Variants in DTHD1 observed in about 807,000 individuals in gnomAD.
The protein encoded by DTHD1 is death domain containing 1.
In DTHD1, 59 loss-of-function variants were observed where a neutral mutation model predicts 74.8. The observed-to-expected ratio is 0.79, with a 90% CI of 0.64 to 0.98. The LOEUF is 0.98. Ranked by LOEUF, DTHD1 falls within the 50% of genes least tolerant of loss-of-function variation. DTHD1 has a pLI of 0.00. For missense variants in DTHD1, 1,051 were observed against 1,065.4 expected (o/e 0.99, Z 0.19); for synonymous variants, 365 against 371.1 (o/e 0.98, Z 0.19).
At chr4:36,287,728 A>G (rs1020101084) in intron 2 of DTHD1, among the ~76,000 whole-genome samples, 2 of 152,308 alleles carry the variant, frequency 1.3e-5, no homozygotes, top group South Asian at 4.1e-4. Context: ...CATTTCCCTG[A>G]TCATTAGTGA....
At chr4:36,328,724 T>TA (rs371743029) in intron 8 of DTHD1, among the ~76,000 whole-genome samples, 10 of 152,284 alleles carry the variant, frequency 6.6e-5, no homozygotes, top group African/African-American at 2.4e-4. Context: ...GTAAAAACTT[T>TA]AAAAAAAGAC....
At chr4:36,335,644 G>A (rs7664826) in intron 8 of DTHD1, among the ~76,000 whole-genome samples, 16,439 of 152,168 alleles carry the variant, frequency 0.11, 2,007 homozygotes, top group African/African-American at 0.3. Context: ...ATTGAGTAAA[G>A]GGAAGCCTGA....
chr4:36,286,413 G>T (rs2109442630), intron 2 of DTHD1, among the ~76,000 whole-genome samples: 1 of 152,204 alleles, frequency 6.6e-6, no homozygotes, highest in East Asian at 1.9e-4. Flanking sequence ...AGTACTCATT[G>T]CAATCCCTCG....
Position 36,283,995 on chromosome 4 carries a change from C to T in DTHD1, c.291C>T (p.Asp97=). 6.5e-7 allele frequency: 1 copy of T among 1,534,404 alleles called. No individual in the cohort carries two copies. The highest frequency in any genetic ancestry group is 8.7e-7 in the Non-Finnish European group (1 of 1,144,812). ...GTGTAGAAATCATTACTTTCATAGA[C>T]TGCCTCATAAAAATAACTGAACATT... The part of the protein sequence containing the change: ...VSRKEIITFI[D]CLIKITEHLG... The change falls in exon 2 of 10, where the codon GAC becomes GAT. Residue 97 remains aspartate, a synonymous_variant. Coordinates refer to ENST00000639862, the MANE Select transcript of DTHD1 (RefSeq NM_001170700.3).
chr4:36,290,725 T>C (rs775390228), intron 3 of DTHD1, 22 bp downstream of exon 3: 70 of 1,507,856 alleles, frequency 4.6e-5, no homozygotes, highest in Non-Finnish European at 5.6e-5. Flanking sequence ...CTTGGCTATA[T>C]CTACATTTGC....
At position 36,284,319 on chromosome 4, in the gene DTHD1, A is replaced by T; in HGVS notation, c.615A>T (p.Glu205Asp). 2 of 1,537,242 alleles carry T rather than the reference A, an allele frequency of 1.3e-6. No individual in the cohort carries two copies. Among genetic ancestry groups the T allele is most frequent in the Non-Finnish European group, 8.7e-7 (1 of 1,146,874 alleles). Residue 205 changes from glutamate to aspartate, a missense_variant, in exon 2 of 10, where the codon GAA (glutamate) becomes GAT (aspartate). By Grantham distance (45) the Glu-to-Asp change is conservative (BLOSUM62 2). Coordinates refer to ENST00000639862, the MANE Select transcript of DTHD1 (RefSeq NM_001170700.3). ...TGAATGGACGTGTACTGGGGCAAGA[A>T]GAGTCACAGAATAAAATGTTCCCAG... is the stretch of plus-strand genomic sequence containing the variant. ...TSLNGRVLGQ[E>D]ESQNKMFPDN... is the part of the protein sequence containing the mutation.
chr4:36,322,478 G>C (rs1009096498), intron 8 of DTHD1, among the ~76,000 whole-genome samples: 1 of 152,116 alleles, frequency 6.6e-6, no homozygotes, highest in Admixed American at 6.5e-5. Context: ...GGGGACTACC[G>C]AGCTGAGGAG....
In DTHD1 at chr4:36,306,345, T is replaced by C. The variant is rs753260299; in HGVS notation, c.1798T>C (p.Leu600=). 4.6e-5 allele frequency: 71 copies of C among 1,547,968 alleles called. No homozygotes were observed. Among genetic ancestry groups the C allele is most frequent in the Non-Finnish European group, 1.7e-6 (2 of 1,145,060 alleles). The change falls in exon 6 of 10, where the codon TTG becomes CTG. Residue 600 remains leucine (L), a synonymous_variant. Coordinates refer to ENST00000639862, the MANE Select transcript of DTHD1 (RefSeq NM_001170700.3). ...GLVSVELYEH[L]ERFIVLHLSS... ...GGTATCAGTTGAATTGTATGAACAT[T>C]TGGAGAGGTAATACCATCAAAAACA...
rs1759499869 is a variant in DTHD1 at position 36,344,672 on chromosome 4, A to G, written c.*848A>G. 1 of 152,214 alleles carries G rather than the reference A, an allele frequency of 6.6e-6. No homozygotes were observed. The allele number at this position is 152,214 out of a possible 1,614,324, so 9.4% of individuals were successfully genotyped here. On this transcript the variant is annotated 3_prime_UTR_variant, in exon 10 of 10. Coordinates refer to ENST00000639862, the MANE Select transcript of DTHD1 (RefSeq NM_001170700.3). Reference sequence around the variant, plus strand: ...TGCTGGCCAGCTTTTCCTGAATTCCAAAAGAGAGGAGGGTATTATGGAGTC... The same window carrying G: ...TGCTGGCCAGCTTTTCCTGAATTCCGAAAGAGAGGAGGGTATTATGGAGTC...
At chr4:36,298,651 T>C (rs1756583445) in intron 5 of DTHD1, among the ~76,000 whole-genome samples, 1 of 152,228 alleles carries the variant, frequency 6.6e-6, no homozygotes, top group African/African-American at 2.4e-5. Flanking sequence ...ATAGTCTGAA[T>C]ATTAAGAATG....
chr4:36,303,860 G>A (rs779740265), intron 5 of DTHD1, among the ~76,000 whole-genome samples: 9 of 152,156 alleles, frequency 5.9e-5, no homozygotes, highest in Non-Finnish European at 1.2e-4. Flanking sequence ...GCCACTGTTC[G>A]GTTGCTATCA....
intron 9 of DTHD1, among the ~76,000 whole-genome samples, chr4:36,339,914 A>G (rs1303048867): frequency 6.6e-6 from 1 of 152,234 alleles, no homozygotes; most frequent in Admixed American, 6.5e-5. Flanking sequence ...ACGGTGTTTA[A>G]AAAGAGAGCA....
At chr4:36,297,952 GTGTT>G (rs1756540491) in intron 5 of DTHD1, among the ~76,000 whole-genome samples, 1 of 151,830 alleles carries the variant, frequency 6.6e-6, no homozygotes, top group Non-Finnish European at 1.5e-5. Context: ...GTGTGTGTGT[GTGTT>G]TATGTGACAT....
intron 8 of DTHD1, among the ~76,000 whole-genome samples, chr4:36,320,573 C>T (rs1757985799): frequency 1.3e-5 from 2 of 152,174 alleles, no homozygotes; most frequent in Non-Finnish European, 2.9e-5. Flanking sequence ...ATAGGGCTTT[C>T]CAGATTCACT....
intron 6 of DTHD1, 145 bp from the exon 7 acceptor site, chr4:36,308,058 TA>T: frequency 1.2e-6 from 1 of 854,260 alleles, no homozygotes; most frequent in Non-Finnish European, 1.7e-6. Flanking sequence ...TTACAATCAT[TA>T]ATGAATCTCA....
At chr4:36,316,171 G>A (rs1757712710) in intron 7 of DTHD1, 71 bp from the exon 8 acceptor site, 9 of 1,442,380 alleles carry the variant, frequency 6.2e-6, no homozygotes, top group Non-Finnish European at 8.4e-6. Flanking sequence ...TCCTGACCTC[G>A]TGATCCGCCT....
chr4:36,319,392 C>T (rs1375848310), intron 8 of DTHD1, among the ~76,000 whole-genome samples: 1 of 152,196 alleles, frequency 6.6e-6, no homozygotes, highest in East Asian at 1.9e-4. Flanking sequence ...TAGTTTAGAG[C>T]CTGATTCTAC....
At chr4:36,286,775 T>C (rs527407799) in intron 2 of DTHD1, among the ~76,000 whole-genome samples, 1 of 152,346 alleles carries the variant, frequency 6.6e-6, no homozygotes, top group Admixed American at 6.5e-5. Flanking sequence ...TATGTTACTA[T>C]ACGGAATACT....
Position 36,290,278 on chromosome 4 carries a change from G to A in DTHD1, c.888-95G>A, listed in dbSNP as rs1333572331. The A allele has an allele frequency of 2.4e-6, 3 of 1,271,828 alleles. No homozygotes were observed. In the African/African-American group the frequency reaches 4.5e-5, roughly 19 times the overall value. 78.8% of individuals were successfully genotyped at this position (1,271,828 alleles called of 1,614,324 possible). On this transcript the variant is annotated intron_variant, in intron 2 of 9. Coordinates refer to ENST00000639862, the MANE Select transcript of DTHD1 (RefSeq NM_001170700.3). ...TGATCAGAACTGGAATTCACACCAA[G>A]ACAATGTAGATCTAGAGTCTGTGCT...
Sources: allele counts gnomAD v4.1 joint callset (sites outside exome capture counted in the v4.1 genomes callset), GRCh38; gene constraint gnomAD v4.1.1; transcripts MANE v1.5; gene names NCBI Gene and HGNC (gene_info 2026-07-23, HGNC 2026-07-21).